CD3G: variants seen among roughly 807,000 people sequenced by gnomAD.
CD3G encodes T-cell surface glycoprotein CD3 gamma chain.
In CD3G, 24 loss-of-function variants were observed where a neutral mutation model predicts 28.3. The ratio of observed to expected loss-of-function variants is 0.85; its 90% confidence interval spans 0.61 to 1.19. The LOEUF is 1.19. CD3G is among the 50% of genes most tolerant of loss of function. The probability of loss-of-function intolerance (pLI) is 0.00; values close to 1 mark genes in which losing one functional copy is unlikely to be tolerated. For synonymous variants in CD3G, 71 were observed against 75.9 expected (o/e 0.93, Z 0.34); for missense variants, 211 against 210.0 (o/e 1.00, Z -0.03).
intron 4 of CD3G, 92 bp from the exon 5 acceptor site, chr11:118,351,536 A>C (rs1948409944): frequency 3.4e-6 from 4 of 1,173,950 alleles, no homozygotes; most frequent in Non-Finnish European, 5.1e-6. Context: ...TATATATAAA[A>C]CTCTTATTGT....
At position 118,350,758 on chromosome 11, in the gene CD3G, T is replaced by C. The variant is rs1948400477; in HGVS notation, c.439+75T>C. The stretch of plus-strand genomic sequence containing the variant: ...TTTCCTCCTACCATTATGTACCCAA[T>C]GGAAGAGACTGAGTTGGTGCTTCTT... On this transcript the variant is annotated intron_variant, in intron 4 of 6. Transcript: ENST00000532917. 1.9e-6 allele frequency: 3 copies of C among 1,610,506 alleles called. No individual in the cohort carries two copies. The African/African-American group carries it at 4.0e-5, about 22-fold the overall frequency.
intron 1 of CD3G, among the ~76,000 whole-genome samples, chr11:118,348,819 C>T (rs1948379920): frequency 6.6e-6 from 1 of 152,162 alleles, no homozygotes; most frequent in African/African-American, 2.4e-5. Flanking sequence ...CCCAGGATAC[C>T]AGGACAAAGA....
At chr11:118,346,690 C>G (rs1948359900) in intron 1 of CD3G, among the ~76,000 whole-genome samples, 2 of 151,272 alleles carry the variant, frequency 1.3e-5, no homozygotes, top group Admixed American at 1.3e-4. Context: ...TTGGCATGCA[C>G]TTATGCCAGC....
intron 3 of CD3G, 158 bp downstream of exon 3, chr11:118,350,128 T>C: frequency 1.5e-6 from 1 of 682,000 alleles, no homozygotes; most frequent in Non-Finnish European, 2.6e-6. Context: ...TACTGTAAGA[T>C]ACTTCCCTCA....
chr11:118,347,896 C>A (rs1948371596), intron 1 of CD3G, among the ~76,000 whole-genome samples: 1 of 152,166 alleles, frequency 6.6e-6, no homozygotes, highest in Admixed American at 6.5e-5. Flanking sequence ...GCTGGGATTA[C>A]AGGTGTGAGC....
At chr11:118,346,148 G>A (rs1948353673) in intron 1 of CD3G, among the ~76,000 whole-genome samples, 1 of 152,168 alleles carries the variant, frequency 6.6e-6, no homozygotes, top group African/African-American at 2.4e-5. Flanking sequence ...CAGAAATGTG[G>A]CAGGGACGGG....
intron 2 of CD3G, chr11:118,349,260 A>G: frequency 6.8e-7 from 1 of 1,479,732 alleles, no homozygotes; most frequent in South Asian, 1.3e-5. Flanking sequence ...CTGGTCTCTT[A>G]CAGGAGAAGC....
At chr11:118,350,787 A>G in intron 4 of CD3G, 104 bp downstream of exon 4, 2 of 1,544,590 alleles carry the variant, frequency 1.3e-6, no homozygotes, top group African/African-American at 1.4e-5. Flanking sequence ...GCTTCTTGCT[A>G]GTGTGCATAG....
At chr11:118,347,982 A>G (rs907588391) in intron 1 of CD3G, among the ~76,000 whole-genome samples, 2 of 152,144 alleles carry the variant, frequency 1.3e-5, no homozygotes, top group African/African-American at 4.8e-5. Flanking sequence ...TGGGACATCC[A>G]GGGTTTTTAT....
chr11:118,347,779 C>T (rs1028365696), intron 1 of CD3G, among the ~76,000 whole-genome samples: 6 of 152,092 alleles, frequency 3.9e-5, no homozygotes, highest in East Asian at 1.9e-4. Flanking sequence ...CCACCATGCC[C>T]GGCTAATTTT....
chr11:118,351,520 C>T, intron 4 of CD3G, 108 bp from the exon 5 acceptor site: 2 of 999,136 alleles, frequency 2.0e-6, no homozygotes, highest in Non-Finnish European at 3.2e-6. Context: ...TATCCATACT[C>T]TTGTGTATAT....
In CD3G at chr11:118,344,360, AGGCT is replaced by A. The variant is rs60810919; in HGVS notation, c.-46_-43del. 432,682 of 1,387,408 alleles carry A rather than the reference AGGCT, an allele frequency of 0.31. 72,888 individuals are homozygous for A. Among genetic ancestry groups the A allele is most frequent in the East Asian group, 0.55 (22,148 of 39,918 alleles). 85.9% of individuals were successfully genotyped at this position (1,387,408 alleles called of 1,614,324 possible). ...GGTGGAGCCAGTCTAGCTGCTGCAC[AGGCT>A]GGCTGGCTGGCTGGCTGCTAAGGGC... On this transcript the variant is annotated 5_prime_UTR_variant, in exon 1 of 7. Transcript: ENST00000532917.
At chr11:118,348,943 G>C in intron 1 of CD3G, 84 bp from the exon 2 acceptor site, 1 of 1,457,432 alleles carries the variant, frequency 6.9e-7, no homozygotes, top group South Asian at 1.1e-5. Flanking sequence ...CTTCATCTTG[G>C]CCTCAAATAA....
rs1948389355 is a variant in CD3G at position 118,349,826 on chromosome 11, T to C, written c.163T>C (p.Trp55Arg). 1.2e-6 allele frequency: 2 copies of C among 1,613,842 alleles called. No individual in the cohort carries two copies. The highest frequency in any genetic ancestry group is 1.3e-5 in the African/African-American group (1 of 74,872). Residue 55 changes from tryptophan to arginine, a missense_variant, in exon 3 of 7, where the codon TGG (tryptophan) becomes CGG (arginine). Coordinates refer to ENST00000532917, the MANE Select transcript of CD3G (RefSeq NM_000073.3). ...TGATGCAGAAGCCAAAAATATCACA[T>C]GGTTTAAAGATGGGAAGATGATCGG... Reference protein sequence around the residue: ...TCDAEAKNITWFKDGKMIGFL... With the variant: ...TCDAEAKNITRFKDGKMIGFL...
Position 118,350,491 on chromosome 11 carries a change from A to G in CD3G, c.308-61A>G, listed in dbSNP as rs1488787784. ...CGGCATTATTGCAGACAGGCAGGAG[A>G]AAACGAACCAGGAAAAACAACTTTC... On this transcript the variant is annotated intron_variant, in intron 3 of 6. Transcript: ENST00000532917. The G allele has an allele frequency of 9.0e-5, 113 of 1,255,958 alleles. No individual in the cohort carries two copies. The Middle Eastern group carries it at 1.7e-3, about 19-fold the overall frequency. 77.8% of individuals were successfully genotyped at this position (1,255,958 alleles called of 1,614,324 possible). A position where few individuals can be genotyped will look rare whatever the true frequency, so the allele number is the denominator to read the frequency against.
intron 2 of CD3G, chr11:118,349,377 T>C: frequency 9.7e-7 from 1 of 1,034,932 alleles, no homozygotes; most frequent in Non-Finnish European, 1.3e-6. Context: ...TTCTCTTTAG[T>C]TCATCTATTC....
intron 3 of CD3G, chr11:118,350,340 G>C: frequency 1.6e-6 from 1 of 612,990 alleles, no homozygotes; most frequent in Non-Finnish European, 2.9e-6. Flanking sequence ...CTTCCTGGTA[G>C]TTAGACTACA....
At chr11:118,351,186 CAA>C (rs34109639) in intron 4 of CD3G, among the ~76,000 whole-genome samples, 7 of 70,608 alleles carry the variant, frequency 9.9e-5, no homozygotes, top group African/African-American at 2.5e-4. Flanking sequence ...GACTCCGTCT[CAA>C]AAAAAAAAAA....
intron 6 of CD3G, among the ~76,000 whole-genome samples, chr11:118,352,725 A>G (rs1392836147): frequency 1.3e-5 from 2 of 152,260 alleles, no homozygotes; most frequent in African/African-American, 2.4e-5. Context: ...GCCTCAAGCC[A>G]TAGAGATGCT....
Sources: gnomAD v4.1 joint callset for allele counts (sites outside exome capture counted in the v4.1 genomes callset) on GRCh38, gnomAD v4.1.1 for gene constraint, MANE v1.5 for transcripts, NCBI Gene and HGNC (gene_info 2026-07-23, HGNC 2026-07-21) for gene names.